CD72: variants seen among roughly 807,000 people sequenced by gnomAD.
CD72 encodes CD72 molecule, also known as B-cell differentiation antigen CD72.
In CD72, 28 loss-of-function variants were observed where a neutral mutation model predicts 50.7. That is an observed-to-expected ratio of 0.55 (90% confidence interval 0.41 to 0.76). The LOEUF (loss-of-function observed/expected upper bound fraction) is 0.76, where lower values mean the gene tolerates loss of function less well. CD72 is among the 30% of genes least tolerant of loss of function. The pLI is 0.00. For missense variants in CD72, 403 were observed against 420.6 expected, an observed-to-expected ratio of 0.96 and a Z score of 0.37; for synonymous variants, 176 against 171.2, an observed-to-expected ratio of 1.03 and a Z score of -0.22.
chr9:35,618,796 G>A, upstream of CD72: 1 of 1,286,750 alleles, frequency 7.8e-7, no homozygotes, highest in Non-Finnish European at 1.0e-6. Flanking sequence ...TGAGACTGGG[G>A]GTTCCTGGTT....
At chr9:35,614,949 A>G (rs537193503) in intron 5 of CD72, among the ~76,000 whole-genome samples, 14 of 152,198 alleles carry the variant, frequency 9.2e-5, no homozygotes, top group Non-Finnish European at 1.6e-4. Flanking sequence ...GAATCAGTTG[A>G]TTGGAGGCCT....
At chr9:35,635,775 C>G (rs551485884) in intron 1 of CD72, among the ~76,000 whole-genome samples, 1 of 152,172 alleles carries the variant, frequency 6.6e-6, no homozygotes, top group Non-Finnish European at 1.5e-5. Flanking sequence ...GCTTTTGGCT[C>G]TGAGGCTGTT....
intron 1 of CD72, among the ~76,000 whole-genome samples, chr9:35,635,942 A>T (rs1823286614): frequency 6.6e-6 from 1 of 152,206 alleles, no homozygotes; most frequent in Non-Finnish European, 1.5e-5. Context: ...TCTAAGTATC[A>T]CTATTAACAA....
intron 1 of CD72, among the ~76,000 whole-genome samples, chr9:35,630,036 CTTT>C (rs35481553): frequency 1.6e-5 from 2 of 128,960 alleles, no homozygotes; most frequent in Admixed American, 8.3e-5. Flanking sequence ...AATTTCTTTT[CTTT>C]TTTTTTTTTT....
At chr9:35,611,584 C>A (rs1319319878) in intron 7 of CD72, among the ~76,000 whole-genome samples, 4 of 151,986 alleles carry the variant, frequency 2.6e-5, no homozygotes, top group Non-Finnish European at 5.9e-5. Context: ...GTTACTGAAA[C>A]AAAAAAGTAT....
intron 1 of CD72, among the ~76,000 whole-genome samples, chr9:35,632,579 CTT>C (rs72487368): frequency 2.9e-5 from 4 of 140,044 alleles, no homozygotes; most frequent in Admixed American, 7.2e-5. Flanking sequence ...ATTTTATTAG[CTT>C]TTTTTTTTTT....
Position 35,618,231 on chromosome 9 carries a change from A to G in CD72, c.73T>C (p.Leu25=), listed in dbSNP as rs779285054. The G allele has an allele frequency of 3.7e-6, 6 of 1,614,006 alleles. No individual in the cohort carries two copies. In the African/African-American group the frequency reaches 8.0e-5, roughly 22 times the overall value. The change falls in exon 1 of 9, where the codon TTA becomes CTA. Residue 25 remains leucine (L), a synonymous_variant. Transcript: ENST00000259633. ...GCCTCATCCCCCTTACCCTGTCCTA[A>G]CCGGCTGGAGATGCTCTTCTTCAGG... ...APLKKSISSR[L]GQDPGADDDG...
At chr9:35,624,426 G>A (rs7039059), upstream of CD72, among the ~76,000 whole-genome samples, 1,858 of 152,070 alleles carry the variant, frequency 0.012, 47 homozygotes, top group African/African-American at 0.042. Flanking sequence ...GTTGGCAGTG[G>A]GAGTTAAAGA....
upstream of CD72, chr9:35,618,528 C>A (rs1417369707): frequency 5.7e-6 from 6 of 1,059,742 alleles, no homozygotes; most frequent in South Asian, 5.5e-5. Flanking sequence ...GCCAGAGGGG[C>A]CACGGAGGGG....
At chr9:35,636,347 A>G (rs1465273990) in intron 1 of CD72, among the ~76,000 whole-genome samples, 1 of 152,180 alleles carries the variant, frequency 6.6e-6, no homozygotes, top group Non-Finnish European at 1.5e-5. Flanking sequence ...CATTATTTCT[A>G]TAATTAAACA....
At chr9:35,616,506 G>A in intron 4 of CD72, 94 bp downstream of exon 4, 1 of 1,094,890 alleles carries the variant, frequency 9.1e-7, no homozygotes, top group South Asian at 1.3e-5. Flanking sequence ...TGGTGGTAGT[G>A]ACTATGATCC....
At position 35,644,458 on chromosome 9, in the gene CD72, C is replaced by T. The variant is rs534282539; in HGVS notation, n.408+1945G>A. Among the ~76,000 whole-genome samples the T allele has an allele frequency of 2.5e-4, 36 of 146,638 alleles. 1 individual carries two copies. In the South Asian group the frequency reaches 7.4e-3, roughly 30 times the overall value. ...TCGACAGAACCAGTGAGACAAGTAA[C>T]AAGGAAGCCAACTTTGGTTCCAAAT... is the stretch of plus-strand genomic sequence containing the variant. On this transcript the variant is annotated intron_variant and non_coding_transcript_variant, in intron 1 of 3. Transcript: ENST00000465754.
intron 1 of CD72, among the ~76,000 whole-genome samples, chr9:35,641,255 G>A (rs911764743): frequency 6.6e-6 from 1 of 152,196 alleles, no homozygotes; most frequent in Non-Finnish European, 1.5e-5. Flanking sequence ...GTCTGTGGTG[G>A]ATCTTAGTCA....
In CD72 at chr9:35,618,217, C is replaced by T; in HGVS notation, c.82+5G>A. The T allele has an allele frequency of 6.2e-7, 1 of 1,613,776 alleles. No individual in the cohort carries two copies. Among genetic ancestry groups the T allele is most frequent in the Non-Finnish European group, 8.5e-7 (1 of 1,179,652 alleles). On this transcript the variant is annotated splice_donor_5th_base_variant and intron_variant, in intron 1 of 8. Transcript: ENST00000259633. Reference sequence around the variant, plus strand: ...AGGATCAAGGGGAGGCCTCATCCCCCTTACCCTGTCCTAACCGGCTGGAGA... The same window carrying T: ...AGGATCAAGGGGAGGCCTCATCCCCTTTACCCTGTCCTAACCGGCTGGAGA...
intron 1 of CD72, among the ~76,000 whole-genome samples, chr9:35,638,814 G>A (rs1386705748): frequency 2.0e-5 from 3 of 151,880 alleles, no homozygotes; most frequent in African/African-American, 7.3e-5. Context: ...CTATCAGGCA[G>A]ATTCCCCAGG....
intron 1 of CD72, among the ~76,000 whole-genome samples, chr9:35,639,236 T>C (rs984578847): frequency 1.3e-5 from 2 of 152,120 alleles, no homozygotes; most frequent in Non-Finnish European, 2.9e-5. Context: ...GAAGAGACAT[T>C]GGGTTAAGCA....
intron 1 of CD72, among the ~76,000 whole-genome samples, chr9:35,645,281 T>G (rs1823380615): frequency 6.6e-6 from 1 of 151,510 alleles, no homozygotes; most frequent in South Asian, 2.1e-4. Context: ...CATGTCTAGA[T>G]TCAAGGTTTC....
intron 1 of CD72, among the ~76,000 whole-genome samples, chr9:35,636,334 G>A (rs182179801): frequency 5.9e-5 from 9 of 152,124 alleles, no homozygotes; most frequent in Admixed American, 2.6e-4. Flanking sequence ...TTAACCACGT[G>A]CACATTATTT....
chr9:35,611,111 C>CGT lies in CD72; in HGVS notation c.951-359_951-358insAC, dbSNP rs1480958191. ...CTAAAAATACAAAAAATTAGCCGGG[C>CGT]ATGGCGGTGTGCGCCTGTAGTCCCA... On this transcript the variant is annotated intron_variant, in intron 7 of 8. Coordinates refer to ENST00000259633, the MANE Select transcript of CD72 (RefSeq NM_001782.3). Among the ~76,000 whole-genome samples the CGT allele has an allele frequency of 6.2e-4, 95 of 152,310 alleles. 1 individual carries two copies. Among genetic ancestry groups the CGT allele is most frequent in the Middle Eastern group, 3.4e-3 (1 of 294 alleles).
Sources: gnomAD v4.1 joint callset for allele counts (sites outside exome capture counted in the v4.1 genomes callset) on GRCh38, gnomAD v4.1.1 for gene constraint, MANE v1.5 for transcripts, NCBI Gene and HGNC (gene_info 2026-07-23, HGNC 2026-07-21) for gene names.